Variants in ATG4C observed in about 807,000 individuals in gnomAD.
ATG4C encodes the protein cysteine protease ATG4C.
ATG4C carries 56 observed loss-of-function variants against 57.6 expected under a neutral mutation model. The observed-to-expected ratio is 0.97, with a 90% confidence interval of 0.78 to 1.21. The LOEUF (loss-of-function observed/expected upper bound fraction) is 1.21. Among genes scored for constraint, ATG4C ranks in the 50% most tolerant of loss-of-function variants. ATG4C has a pLI of 0.00. For synonymous variants in ATG4C, 157 were observed against 174.1 expected, an observed-to-expected ratio of 0.90 and a Z score of 0.78; for missense variants, 595 against 529.8, an observed-to-expected ratio of 1.12 and a Z score of -1.21.
At chr1:62,792,987 C>T (rs1183592640) in intron 1 of ATG4C, among the ~76,000 whole-genome samples, 1 of 151,480 alleles carries the variant, frequency 6.6e-6, no homozygotes, top group Non-Finnish European at 1.5e-5. Flanking sequence ...CCCGGGTTCA[C>T]GCCATTCTCC....
intron 1 of ATG4C, among the ~76,000 whole-genome samples, chr1:62,790,099 A>G (rs1469409581): frequency 6.6e-6 from 1 of 152,052 alleles, no homozygotes; most frequent in Non-Finnish European, 1.5e-5. Context: ...TTTTTAGTAG[A>G]GACAGAGTTT....
intron 10 of ATG4C, among the ~76,000 whole-genome samples, chr1:62,855,599 T>C (rs1438550690): frequency 6.6e-6 from 1 of 152,228 alleles, no homozygotes; most frequent in Non-Finnish European, 1.5e-5. Context: ...ATTTATGTTA[T>C]AGCCATTGAA....
intron 10 of ATG4C, among the ~76,000 whole-genome samples, chr1:62,846,931 C>CT (rs1347241741): frequency 6.6e-6 from 1 of 152,186 alleles, no homozygotes; most frequent in African/African-American, 2.4e-5. Flanking sequence ...AACCCCAGCA[C>CT]TTTGGGAGGT....
chr1:62,796,389 A>G (rs1664469206), intron 1 of ATG4C, among the ~76,000 whole-genome samples: 1 of 152,134 alleles, frequency 6.6e-6, no homozygotes, highest in South Asian at 2.1e-4. Context: ...AAAATTATGA[A>G]TTAACAAGGA....
chr1:62,784,196 GGCTGCTGCTAGA>G lies in ATG4C; in HGVS notation c.-141_-130del, dbSNP rs1664004686. 1 of 153,186 alleles carries G rather than the reference GGCTGCTGCTAGA, an allele frequency of 6.5e-6. No individual in the cohort carries two copies. The highest frequency in any genetic ancestry group is 6.5e-5 in the Admixed American group (1 of 15,272). 9.5% of individuals were successfully genotyped at this position (153,186 alleles called of 1,614,324 possible). A position where few individuals can be genotyped will look rare whatever the true frequency, so the allele number is the denominator to read the frequency against. Reference sequence around the variant, plus strand: ...CGTGTGTGCGGGCTGGTTTTGTGGCGGCTGCTGCTAGAGCTGGAGCATTTGCCGGGTTGGTGG... The same window carrying G: ...CGTGTGTGCGGGCTGGTTTTGTGGCGGCTGGAGCATTTGCCGGGTTGGTGG... On this transcript the variant is annotated 5_prime_UTR_variant, in exon 1 of 11. Coordinates refer to ENST00000317868, the MANE Select transcript of ATG4C (RefSeq NM_032852.4).
rs1376243646 is a variant in ATG4C at position 62,821,231 on chromosome 1, A to G, written c.796+22A>G. On this transcript the variant is annotated intron_variant, in intron 6 of 10. Coordinates refer to ENST00000317868, the MANE Select transcript of ATG4C (RefSeq NM_032852.4). The stretch of plus-strand genomic sequence containing the variant: ...ACAGGTAAGGAATGTATATAATTCT[A>G]ATCTTTGTTTTATTTGGTCATACTT... The G allele has an allele frequency of 2.0e-6, 3 of 1,483,414 alleles. No homozygotes were observed. The African/African-American group carries it at 4.3e-5, about 21-fold the overall frequency. The allele number at this position is 1,483,414 out of a possible 1,614,324, so 91.9% of individuals were successfully genotyped here. A position where few individuals can be genotyped will look rare whatever the true frequency, so the allele number is the denominator to read the frequency against.
chr1:62,834,876 C>T (rs1167050784), intron 9 of ATG4C, 24 bp downstream of exon 9: 2 of 1,584,114 alleles, frequency 1.3e-6, no homozygotes, highest in South Asian at 1.1e-5. Flanking sequence ...AAAGCTGATA[C>T]TGTTTTCTTA....
chr1:62,817,363 A>G (rs1665312697), intron 4 of ATG4C, among the ~76,000 whole-genome samples: 1 of 152,184 alleles, frequency 6.6e-6, no homozygotes. Flanking sequence ...AACTTTTTTT[A>G]GCAATAGGGT....
intron 1 of ATG4C, among the ~76,000 whole-genome samples, chr1:62,793,510 A>G (rs1664354525): frequency 6.8e-6 from 1 of 148,142 alleles, no homozygotes; most frequent in South Asian, 2.3e-4. Flanking sequence ...CTACTAGGGA[A>G]CTGAGGTGGG....
Position 62,793,003 on chromosome 1 carries a change from T to C in ATG4C, c.-69+8730T>C, listed in dbSNP as rs532408246. 3.7e-3 allele frequency among the ~76,000 whole-genome samples: 560 copies of C among 151,754 alleles called. 2 individuals are homozygous for C. Among genetic ancestry groups the C allele is most frequent in the Non-Finnish European group, 5.4e-3 (368 of 67,896 alleles). On this transcript the variant is annotated intron_variant, in intron 1 of 10. Coordinates refer to ENST00000317868, the MANE Select transcript of ATG4C (RefSeq NM_032852.4). ...CCGGGTTCACGCCATTCTCCTGCCT[T>C]AACCTCCCGAGTAGCTGGGACTACA... is the stretch of plus-strand genomic sequence containing the variant.
At chr1:62,790,347 C>T (rs554829081) in intron 1 of ATG4C, among the ~76,000 whole-genome samples, 1 of 152,300 alleles carries the variant, frequency 6.6e-6, no homozygotes, top group Admixed American at 6.5e-5. Context: ...TTCTGATTCT[C>T]AATTATATCA....
At chr1:62,835,098 A>G (rs1665957370) in intron 9 of ATG4C, among the ~76,000 whole-genome samples, 1 of 151,776 alleles carries the variant, frequency 6.6e-6, no homozygotes, top group South Asian at 2.1e-4. Flanking sequence ...AACCCTGGCC[A>G]TACTAAAATA....
chr1:62,829,450 T>A (rs1392995654), intron 7 of ATG4C, among the ~76,000 whole-genome samples: 1 of 152,130 alleles, frequency 6.6e-6, no homozygotes, highest in African/African-American at 2.4e-5. Context: ...TGTAATATAG[T>A]TACAGTTTCA....
At chr1:62,829,656 G>A (rs541512368) in intron 7 of ATG4C, among the ~76,000 whole-genome samples, 98 of 152,040 alleles carry the variant, frequency 6.4e-4, no homozygotes, top group African/African-American at 2.3e-3. Flanking sequence ...ATAGTATTTG[G>A]AGGAATTCCA....
chr1:62,807,219 T>C (rs748412233), intron 3 of ATG4C, among the ~76,000 whole-genome samples: 6 of 152,154 alleles, frequency 3.9e-5, no homozygotes, highest in Non-Finnish European at 7.4e-5. Flanking sequence ...AAAACTCTTA[T>C]AATATCCTGA....
rs1553221617 is a variant in ATG4C, at chr1:62,793,618, A to AAAAAC, written c.-69+9347_-69+9348insAACAA. ...TCTCGAAAAAAAAAAAAAAAAAAAA[A>AAAAAC]AACCAAAAAAACAAACAAAAAACCA... On this transcript the variant is annotated intron_variant, in intron 1 of 10. Coordinates refer to ENST00000317868, the MANE Select transcript of ATG4C (RefSeq NM_032852.4). Among the ~76,000 whole-genome samples, 771 of 103,926 alleles carry AAAAAC rather than the reference A, an allele frequency of 7.4e-3. 66 individuals are homozygous for AAAAAC. Among genetic ancestry groups the AAAAAC allele is most frequent in the Non-Finnish European group, 8.5e-3 (455 of 53,788 alleles). 68.2% of individuals were successfully genotyped at this position (103,926 alleles called of 152,430 possible). A position where few individuals can be genotyped will look rare whatever the true frequency, so the allele number is the denominator to read the frequency against.
chr1:62,829,385 C>T (rs943835464), intron 7 of ATG4C, among the ~76,000 whole-genome samples: 2 of 152,014 alleles, frequency 1.3e-5, no homozygotes, highest in Non-Finnish European at 2.9e-5. Flanking sequence ...AAATGAAAAG[C>T]CTTTTAATCT....
intron 7 of ATG4C, 91 bp from the exon 8 acceptor site, chr1:62,833,947 G>A (rs994652699): frequency 6.6e-6 from 7 of 1,056,268 alleles, no homozygotes; most frequent in Non-Finnish European, 9.8e-6. Context: ...TGGTAAATTT[G>A]GGAGCTACTA....
chr1:62,851,573 C>G (rs1666521080), intron 10 of ATG4C, among the ~76,000 whole-genome samples: 1 of 152,004 alleles, frequency 6.6e-6, no homozygotes, highest in South Asian at 2.1e-4. Flanking sequence ...GAGTTAAGTT[C>G]CTAAGACATA....
Sources: allele counts gnomAD v4.1 joint callset (sites outside exome capture counted in the v4.1 genomes callset), GRCh38; gene constraint gnomAD v4.1.1; transcripts MANE v1.5; gene names NCBI Gene and HGNC (gene_info 2026-07-23, HGNC 2026-07-21).